The following ZNF277 variants were observed in gnomAD, a reference collection of about 807,000 sequenced individuals.
ZNF277 encodes the protein zinc finger protein 277.
ZNF277 carries 55 observed loss-of-function variants against 60.7 expected under a neutral mutation model. That is an observed-to-expected ratio of 0.91 (90% CI 0.73 to 1.13). The LOEUF (loss-of-function observed/expected upper bound fraction) is 1.13. Ranked by LOEUF, ZNF277 falls within the 50% of genes most tolerant of loss-of-function variation. The pLI is 0.00. For synonymous variants in ZNF277, 178 were observed against 179.3 expected, an observed-to-expected ratio of 0.99 and a Z score of 0.06; for missense variants, 510 against 523.0, an observed-to-expected ratio of 0.98 and a Z score of 0.24.
At chr7:112,327,458 GACAGA>G (rs374247723) in intron 5 of ZNF277, among the ~76,000 whole-genome samples, 3 of 152,112 alleles carry the variant, frequency 2.0e-5, no homozygotes, top group South Asian at 2.1e-4. Context: ...TGGTTTAAAG[GACAGA>G]ACCTGATTCT....
chr7:112,285,744 C>G (rs765714394), intron 1 of ZNF277, among the ~76,000 whole-genome samples: 1 of 151,796 alleles, frequency 6.6e-6, no homozygotes, highest in Non-Finnish European at 1.5e-5. Flanking sequence ...AATTCTCAAG[C>G]CATGGTCACC....
intron 4 of ZNF277, among the ~76,000 whole-genome samples, chr7:112,303,105 C>T (rs565618921): frequency 6.6e-6 from 1 of 151,982 alleles, no homozygotes; most frequent in African/African-American, 2.4e-5. Flanking sequence ...TGTATGCCAC[C>T]ACACCCAGCT....
At chr7:112,239,472 G>A (rs1372693406) in intron 1 of ZNF277, among the ~76,000 whole-genome samples, 1 of 152,202 alleles carries the variant, frequency 6.6e-6, no homozygotes, top group Non-Finnish European at 1.5e-5. Context: ...AGTCCCAGTG[G>A]TGGTGACCAC....
At position 112,295,909 on chromosome 7, in the gene ZNF277, A is replaced by G; in HGVS notation, c.334A>G (p.Ile112Val). The G allele has an allele frequency of 6.2e-7, 1 of 1,613,134 alleles. No homozygotes were observed. The highest frequency in any genetic ancestry group is 1.7e-5 in the Admixed American group (1 of 60,010). The change falls in exon 3 of 12, where the codon ATC (isoleucine) becomes GTC (valine). Residue 112 changes from isoleucine to valine, a missense_variant. Physicochemically the swap from Ile to Val is conservative, Grantham distance 29 (BLOSUM62 3). Transcript: ENST00000361822. ...GAGGAAAAGGTTCACTGAACAGCCC[A>G]TCACAGATTTTTGTAGTGTAATAAG... is the stretch of plus-strand genomic sequence containing the variant. The part of the protein sequence containing the change: ...YWRKRFTEQP[I>V]TDFCSVIRIN...
chr7:112,258,618 T>C (rs933859018), intron 1 of ZNF277, among the ~76,000 whole-genome samples: 3 of 152,194 alleles, frequency 2.0e-5, no homozygotes, highest in Non-Finnish European at 2.9e-5. Context: ...TTAATCATTT[T>C]TCCTATGTGT....
chr7:112,305,839 G>A (rs1163535335), intron 4 of ZNF277, among the ~76,000 whole-genome samples: 2 of 152,040 alleles, frequency 1.3e-5, no homozygotes, highest in African/African-American at 4.8e-5. Flanking sequence ...CTGGTCCAGT[G>A]TCTCCAGTGC....
chr7:112,301,254 CAGCCTCCTA>C (rs1792464882), intron 4 of ZNF277, among the ~76,000 whole-genome samples: 1 of 152,010 alleles, frequency 6.6e-6, no homozygotes, highest in Non-Finnish European at 1.5e-5. Context: ...CCTCCTACCT[CAGCCTCCTA>C]AGGTGCTGGA....
rs555696825 is a variant in ZNF277, at chr7:112,260,437, A to G, written c.92-26436A>G. Among the ~76,000 whole-genome samples the G allele has an allele frequency of 2.0e-5, 3 of 152,190 alleles. No homozygotes were observed. The South Asian group carries it at 6.2e-4, about 32-fold the overall frequency. ...TCATATTATAAATATGGTTTTCTAT[A>G]TTTTTTCATTTAGCAATATGTTCTG... On this transcript the variant is annotated intron_variant, in intron 1 of 11. Transcript: ENST00000361822.
At chr7:112,256,464 C>G (rs1791312644) in intron 1 of ZNF277, among the ~76,000 whole-genome samples, 2 of 123,992 alleles carry the variant, frequency 1.6e-5, no homozygotes, top group Non-Finnish European at 3.2e-5. Context: ...GAGTCTCACT[C>G]TGTCACCCAG....
At chr7:112,238,940 C>G (rs901938069) in intron 1 of ZNF277, among the ~76,000 whole-genome samples, 1 of 151,970 alleles carries the variant, frequency 6.6e-6, no homozygotes, top group African/African-American at 2.4e-5. Flanking sequence ...TTAGACACAT[C>G]CTGGACCAGA....
intron 11 of ZNF277, 113 bp from the exon 12 acceptor site, chr7:112,342,448 A>G (rs545759979): frequency 4.4e-6 from 4 of 902,156 alleles, no homozygotes; most frequent in Non-Finnish European, 6.2e-6. Flanking sequence ...GCAAAATGCT[A>G]TGAAATTGTT....
chr7:112,295,864 C>G lies in ZNF277; in HGVS notation c.294-5C>G. 6.2e-7 allele frequency: 1 copy of G among 1,605,334 alleles called. No homozygotes were observed. ...TCATCGTTCCTTATTTTATGTTGTT[C>G]TAAGGTACATTTTATATTGGAGGAA... On this transcript the variant is annotated splice_region_variant and splice_polypyrimidine_tract_variant and intron_variant, in intron 2 of 11. Coordinates refer to ENST00000361822, the MANE Select transcript of ZNF277 (RefSeq NM_021994.3).
At chr7:112,274,932 A>C (rs776905860) in intron 1 of ZNF277, among the ~76,000 whole-genome samples, 4 of 152,200 alleles carry the variant, frequency 2.6e-5, no homozygotes, top group Non-Finnish European at 4.4e-5. Context: ...TATAGAACCA[A>C]ATAAATAAAA....
At chr7:112,256,930 A>C (rs887323047) in intron 1 of ZNF277, among the ~76,000 whole-genome samples, 2 of 152,212 alleles carry the variant, frequency 1.3e-5, no homozygotes, top group African/African-American at 4.8e-5. Flanking sequence ...AAGTGGCTAG[A>C]ACTGGGAAAT....
intron 1 of ZNF277, among the ~76,000 whole-genome samples, chr7:112,212,967 G>C (rs552053186): frequency 7.9e-5 from 12 of 152,312 alleles, no homozygotes; most frequent in African/African-American, 2.4e-4. Flanking sequence ...TGGGATGTCA[G>C]AGAAGATAAG....
chr7:112,311,032 A>G (rs1298018441), intron 4 of ZNF277, among the ~76,000 whole-genome samples: 3 of 152,140 alleles, frequency 2.0e-5, no homozygotes, highest in Non-Finnish European at 2.9e-5. Flanking sequence ...CCCTTTAAGC[A>G]TCAGTTTTTT....
At position 112,300,949 on chromosome 7, in the gene ZNF277, A is replaced by G. The variant is rs182082116; in HGVS notation, c.465+4638A>G. Among the ~76,000 whole-genome samples, 13 of 152,216 alleles carry G rather than the reference A, an allele frequency of 8.5e-5. 1 individual carries two copies. Among genetic ancestry groups the G allele is most frequent in the Admixed American group, 7.9e-4 (12 of 15,276 alleles). On this transcript the variant is annotated intron_variant, in intron 4 of 11. Coordinates refer to ENST00000361822, the MANE Select transcript of ZNF277 (RefSeq NM_021994.3). ...ATCCATACTCATACTTACCTTGTCT[A>G]TAGACTCACCTCTTCAGGCAATTGA...
chr7:112,287,434 T>A (rs1792096726), intron 2 of ZNF277: 1 of 161,974 alleles, frequency 6.2e-6, no homozygotes, highest in Admixed American at 6.4e-5. Context: ...ATATATAAAA[T>A]AATTCCCATA....
chr7:112,218,208 G>A (rs965839792), intron 1 of ZNF277, among the ~76,000 whole-genome samples: 1 of 152,168 alleles, frequency 6.6e-6, no homozygotes, highest in Admixed American at 6.5e-5. Flanking sequence ...TTGAAGAAAA[G>A]GAATGACAAG....
Sources: gnomAD v4.1 joint callset for allele counts (sites outside exome capture counted in the v4.1 genomes callset) on GRCh38, gnomAD v4.1.1 for gene constraint, MANE v1.5 for transcripts, NCBI Gene and HGNC (gene_info 2026-07-23, HGNC 2026-07-21) for gene names.